KCNQ5: variants seen among roughly 807,000 people sequenced by gnomAD.
KCNQ5 encodes potassium voltage-gated channel subfamily Q member 5.
KCNQ5 carries 30 observed loss-of-function variants against 98.2 expected under a neutral mutation model. The ratio of observed to expected loss-of-function variants is 0.31; its 90% CI spans 0.23 to 0.41. The LOEUF (loss-of-function observed/expected upper bound fraction) is 0.41. KCNQ5 is among the 10% of genes least tolerant of loss of function. KCNQ5 has a pLI of 1.00. For synonymous variants in KCNQ5, 458 were observed against 449.4 expected, an observed-to-expected ratio of 1.02 and a Z score of -0.24; for missense variants, 835 against 1,182.5, an observed-to-expected ratio of 0.71 and a Z score of 4.31.
intron 1 of KCNQ5, among the ~76,000 whole-genome samples, chr6:72,917,454 T>TTTTTA (rs199931952): frequency 0.14 from 20,288 of 147,640 alleles, 1,838 homozygotes; most frequent in African/African-American, 0.24. Flanking sequence ...TTTATTTTTA[T>TTTTTA]TTTTATTTTA....
intron 1 of KCNQ5, among the ~76,000 whole-genome samples, chr6:72,798,299 T>G (rs1774447406): frequency 6.6e-6 from 1 of 152,220 alleles, no homozygotes; most frequent in African/African-American, 2.4e-5. Flanking sequence ...GAAGGTATCC[T>G]GCAAAGTTTA....
At chr6:72,870,521 A>G (rs1020048248) in intron 1 of KCNQ5, among the ~76,000 whole-genome samples, 1 of 152,054 alleles carries the variant, frequency 6.6e-6, no homozygotes, top group Non-Finnish European at 1.5e-5. Flanking sequence ...AAAGTGCTGG[A>G]ATTACAAGTG....
chr6:72,702,966 T>C (rs570150748), intron 1 of KCNQ5, among the ~76,000 whole-genome samples: 1 of 136,516 alleles, frequency 7.3e-6, no homozygotes, highest in East Asian at 1.9e-4. Context: ...CCTGTTCAAC[T>C]CTCTCTTATT....
At chr6:72,729,297 G>C (rs758503622) in intron 1 of KCNQ5, among the ~76,000 whole-genome samples, 1 of 152,120 alleles carries the variant, frequency 6.6e-6, no homozygotes, top group African/African-American at 2.4e-5. Context: ...AAAGGGTTTA[G>C]GAGGTTTTGT....
At chr6:72,941,536 CTCCTTCCTTTCCTTCT>C (rs1766281776) in intron 1 of KCNQ5, among the ~76,000 whole-genome samples, 1 of 121,324 alleles carries the variant, frequency 8.2e-6, no homozygotes, top group African/African-American at 3.1e-5. Flanking sequence ...TCCTCCTTCC[CTCCTTCCTTTCCTTCT>C]TCCCTCCCTC....
At chr6:72,821,128 A>G (rs10498884) in intron 1 of KCNQ5, among the ~76,000 whole-genome samples, 9,653 of 152,288 alleles carry the variant, frequency 0.063, 302 homozygotes, top group Middle Eastern at 0.11. Flanking sequence ...AAAAGCAGTA[A>G]ACCACAAGGG....
chr6:73,190,805 C>A, intron 12 of KCNQ5, 101 bp downstream of exon 12: 1 of 712,884 alleles, frequency 1.4e-6, no homozygotes, highest in Non-Finnish European at 2.1e-6. Context: ...CCATATTTTT[C>A]ATTCATTTTT....
At chr6:72,850,463 A>T (rs1582408006) in intron 1 of KCNQ5, among the ~76,000 whole-genome samples, 1 of 152,168 alleles carries the variant, frequency 6.6e-6, no homozygotes, top group East Asian at 1.9e-4. Flanking sequence ...TACTACACAC[A>T]CAGCAGCAGC....
chr6:73,083,744 C>T (rs1773871635), intron 5 of KCNQ5, among the ~76,000 whole-genome samples: 1 of 152,200 alleles, frequency 6.6e-6, no homozygotes, highest in South Asian at 2.1e-4. Context: ...TGTGTATTCT[C>T]ATGCATTAAT....
At chr6:72,897,854 C>G (rs975394223) in intron 1 of KCNQ5, among the ~76,000 whole-genome samples, 2 of 152,002 alleles carry the variant, frequency 1.3e-5, no homozygotes, top group African/African-American at 4.8e-5. Flanking sequence ...AGTGAACTCC[C>G]TAGAAAATAT....
chr6:72,761,826 C>G (rs1772297584), intron 1 of KCNQ5, among the ~76,000 whole-genome samples: 1 of 151,990 alleles, frequency 6.6e-6, no homozygotes, highest in Non-Finnish European at 1.5e-5. Context: ...ATCATGGAGT[C>G]ATATTTTAGG....
intron 2 of KCNQ5, among the ~76,000 whole-genome samples, chr6:73,021,539 G>A (rs1770606986): frequency 6.6e-6 from 1 of 152,074 alleles, no homozygotes; most frequent in Non-Finnish European, 1.5e-5. Context: ...CCTAAGAGTG[G>A]ACCCTTATTG....
intron 1 of KCNQ5, among the ~76,000 whole-genome samples, chr6:72,805,448 C>G (rs933802042): frequency 6.6e-6 from 1 of 151,982 alleles, no homozygotes; most frequent in African/African-American, 2.4e-5. Flanking sequence ...CTTGGCACTT[C>G]TATTGAAAAA....
At chr6:73,159,716 T>G (rs1777532929) in intron 10 of KCNQ5, among the ~76,000 whole-genome samples, 1 of 152,254 alleles carries the variant, frequency 6.6e-6, no homozygotes, top group Non-Finnish European at 1.5e-5. Context: ...TTTTTGCTAG[T>G]CTTTCCTGAC....
chr6:72,882,631 T>A (rs6909572), intron 1 of KCNQ5, among the ~76,000 whole-genome samples: 1 of 151,966 alleles, frequency 6.6e-6, no homozygotes, highest in Non-Finnish European at 1.5e-5. Context: ...CCTTTTACTT[T>A]GCTTTTCTTT....
chr6:73,063,130 C>T (rs1214968133), intron 3 of KCNQ5, among the ~76,000 whole-genome samples: 2 of 152,178 alleles, frequency 1.3e-5, no homozygotes, highest in African/African-American at 4.8e-5. Context: ...TAGGCCATCT[C>T]CAGTCTCCTT....
chr6:73,014,707 A>C (rs1200625566), intron 2 of KCNQ5, among the ~76,000 whole-genome samples: 1 of 152,130 alleles, frequency 6.6e-6, no homozygotes, highest in Non-Finnish European at 1.5e-5. Context: ...CTATTTAAAG[A>C]AAATCTATAG....
chr6:72,777,334 G>A (rs1773208949), intron 1 of KCNQ5, among the ~76,000 whole-genome samples: 1 of 152,154 alleles, frequency 6.6e-6, no homozygotes, highest in South Asian at 2.1e-4. Flanking sequence ...TAGAAAAGTG[G>A]TGATAAATAT....
At chr6:72,815,287 G>A (rs1198049625) in intron 1 of KCNQ5, among the ~76,000 whole-genome samples, 1 of 152,134 alleles carries the variant, frequency 6.6e-6, no homozygotes, top group African/African-American at 2.4e-5. Flanking sequence ...CACAGCAAAT[G>A]AGAAAATGTA....
Sources: gnomAD v4.1 joint callset for allele counts (sites outside exome capture counted in the v4.1 genomes callset) on GRCh38, gnomAD v4.1.1 for gene constraint, MANE v1.5 for transcripts, NCBI Gene and HGNC (gene_info 2026-07-23, HGNC 2026-07-21) for gene names.